CDC42SE2: variants seen among roughly 807,000 people sequenced by gnomAD.
The protein encoded by CDC42SE2 is CDC42 small effector 2.
CDC42SE2 carries 3 observed loss-of-function variants against 11.5 expected under a neutral mutation model. The ratio of observed to expected loss-of-function variants is 0.26; its 90% CI spans 0.12 to 0.67. CDC42SE2 has a LOEUF of 0.67. Among genes scored for constraint, CDC42SE2 ranks in the 30% least tolerant of loss-of-function variants. The pLI, the probability that CDC42SE2 is intolerant of heterozygous loss-of-function variation, is 0.80. For synonymous variants in CDC42SE2, 33 were observed against 34.8 expected (o/e 0.95, Z 0.18); for missense variants, 82 against 106.8 (o/e 0.77, Z 1.02).
chr5:131,362,598 T>G (rs1749740243), intron 3 of CDC42SE2, among the ~76,000 whole-genome samples: 1 of 152,176 alleles, frequency 6.6e-6, no homozygotes, highest in African/African-American at 2.4e-5. Context: ...ACATTCCATG[T>G]GTGAAAAAGG....
chr5:131,261,775 G>A (rs537075776), upstream of CDC42SE2, among the ~76,000 whole-genome samples: 3 of 151,488 alleles, frequency 2.0e-5, no homozygotes, highest in South Asian at 4.2e-4. Context: ...ACTTGAGCCC[G>A]GAAGACAGAG....
Position 131,391,747 on chromosome 5 carries a change from C to T in CDC42SE2, c.*656C>T, listed in dbSNP as rs1750659888. 1 of 152,020 alleles carries T rather than the reference C, an allele frequency of 6.6e-6. No individual in the cohort carries two copies. Among genetic ancestry groups the T allele is most frequent in the Non-Finnish European group, 1.5e-5 (1 of 67,986 alleles). 9.4% of individuals were successfully genotyped at this position (152,020 alleles called of 1,614,324 possible). On this transcript the variant is annotated 3_prime_UTR_variant, in exon 5 of 5. Transcript: ENST00000505065. Reference sequence around the variant, plus strand: ...AAGACTTCATTGTTTATAAACTTTTCAAATTAATTAAAAAGACTACTTTGA... The same window carrying T: ...AAGACTTCATTGTTTATAAACTTTTTAAATTAATTAAAAAGACTACTTTGA...
At chr5:131,252,518 G>A (rs142739316) in intron 1 of CDC42SE2, among the ~76,000 whole-genome samples, 1 of 152,112 alleles carries the variant, frequency 6.6e-6, no homozygotes, top group Non-Finnish European at 1.5e-5. Flanking sequence ...TTAGCCGGGC[G>A]TGGTGGCGTG....
intron 2 of CDC42SE2, among the ~76,000 whole-genome samples, chr5:131,331,426 AAT>A (rs1398407645): frequency 1.3e-5 from 2 of 152,194 alleles, no homozygotes; most frequent in East Asian, 3.8e-4. Context: ...CTTAAAAAAG[AAT>A]AGAGAGAAAA....
At chr5:131,326,334 A>T (rs1474256283) in intron 2 of CDC42SE2, among the ~76,000 whole-genome samples, 1 of 152,062 alleles carries the variant, frequency 6.6e-6, no homozygotes, top group Non-Finnish European at 1.5e-5. Context: ...CGATCTCCTG[A>T]CCTCGTGACC....
intron 2 of CDC42SE2, among the ~76,000 whole-genome samples, chr5:131,353,985 A>G (rs1749457482): frequency 6.6e-6 from 1 of 152,174 alleles, no homozygotes; most frequent in Admixed American, 6.5e-5. Flanking sequence ...CATGCCTCTA[A>G]TCCCAGCATT....
At chr5:131,288,365 A>G (rs1325361629) in intron 1 of CDC42SE2, among the ~76,000 whole-genome samples, 1 of 152,224 alleles carries the variant, frequency 6.6e-6, no homozygotes, top group Non-Finnish European at 1.5e-5. Context: ...GAAGATACTT[A>G]AGTGTAATTT....
At chr5:131,259,369 G>C (rs1227416354), upstream of CDC42SE2, among the ~76,000 whole-genome samples, 1 of 151,792 alleles carries the variant, frequency 6.6e-6, no homozygotes, top group African/African-American at 2.4e-5. Context: ...ATATCTTTAG[G>C]AAAAAAATAC....
At chr5:131,332,723 G>C (rs1295822925) in intron 2 of CDC42SE2, among the ~76,000 whole-genome samples, 1 of 152,204 alleles carries the variant, frequency 6.6e-6, no homozygotes, top group Non-Finnish European at 1.5e-5. Flanking sequence ...GGCCAGTGAT[G>C]ATGAGCATTT....
intron 3 of CDC42SE2, among the ~76,000 whole-genome samples, chr5:131,373,982 A>T (rs995926489): frequency 6.6e-6 from 1 of 152,224 alleles, no homozygotes; most frequent in Non-Finnish European, 1.5e-5. Context: ...TCAACCCAGG[A>T]AGTACAAAAT....
In CDC42SE2 at chr5:131,352,834, G is replaced by A. The variant is rs571536432; in HGVS notation, c.-285-6375G>A. ...GACAGAAACCTCTTTGGCATCTGAT[G>A]GAACTTCAGACCCCCTTCCCCAGTA... On this transcript the variant is annotated intron_variant, in intron 2 of 4. Coordinates refer to ENST00000505065, the MANE Select transcript of CDC42SE2 (RefSeq NM_001375635.1). Among the ~76,000 whole-genome samples, 69 of 152,254 alleles carry A rather than the reference G, an allele frequency of 4.5e-4. 2 individuals carry two copies. In the South Asian group the frequency reaches 8.9e-3, roughly 20 times the overall value.
chr5:131,216,928 T>C, the CDC42SE2 span, among the ~76,000 whole-genome samples: 4 of 152,168 alleles, frequency 2.6e-5, no homozygotes, highest in East Asian at 7.7e-4. Context: ...AGTCTTACCA[T>C]AGATACTTAA....
At chr5:131,262,796 TTG>T (rs906817805), upstream of CDC42SE2, among the ~76,000 whole-genome samples, 7 of 152,216 alleles carry the variant, frequency 4.6e-5, no homozygotes, top group African/African-American at 1.7e-4. Flanking sequence ...TTTTAAATTG[TTG>T]TGTTTTTTTT....
intron 3 of CDC42SE2, among the ~76,000 whole-genome samples, chr5:131,363,879 G>A (rs1393184616): frequency 6.6e-6 from 1 of 151,804 alleles, no homozygotes; most frequent in Non-Finnish European, 1.5e-5. Flanking sequence ...TATTTTAGTA[G>A]AGATGGAGTT....
At chr5:131,374,645 A>C (rs747633897) in intron 3 of CDC42SE2, among the ~76,000 whole-genome samples, 3 of 152,190 alleles carry the variant, frequency 2.0e-5, no homozygotes, top group Non-Finnish European at 2.9e-5. Flanking sequence ...TGGTGTAAGA[A>C]AAATTAATTA....
chr5:131,278,713 TC>T (rs1457515902), intron 1 of CDC42SE2, among the ~76,000 whole-genome samples: 1 of 32,182 alleles, frequency 3.1e-5, no homozygotes, highest in African/African-American at 1.4e-4. Flanking sequence ...TCCTTTCCTC[TC>T]CCCTCCCCTC....
intron 3 of CDC42SE2, among the ~76,000 whole-genome samples, chr5:131,363,692 ACT>A (rs1749776481): frequency 1.1e-5 from 1 of 87,568 alleles, no homozygotes; most frequent in Non-Finnish European, 2.3e-5. Context: ...TTTTTCTCTT[ACT>A]CTTTTTTTTT....
intron 1 of CDC42SE2, among the ~76,000 whole-genome samples, chr5:131,267,159 A>T (rs1374099956): frequency 6.6e-6 from 1 of 150,814 alleles, no homozygotes; most frequent in Non-Finnish European, 1.5e-5. Context: ...GGTTCAAGCA[A>T]TTCTCCTGCC....
At position 131,391,127 on chromosome 5, in the gene CDC42SE2, G is replaced by A. The variant is rs1299869311; in HGVS notation, c.*36G>A. The A allele has an allele frequency of 4.0e-6, 6 of 1,495,360 alleles. No individual in the cohort carries two copies. Among genetic ancestry groups the A allele is most frequent in the Non-Finnish European group, 9.3e-7 (1 of 1,077,796 alleles). The allele number at this position is 1,495,360 out of a possible 1,614,324, so 92.6% of individuals were successfully genotyped here. ...TTCTCCAGTGAGTACTCAGAGCTGG[G>A]GTCTGGACCTGACGGCCAGACATGG... On this transcript the variant is annotated 3_prime_UTR_variant, in exon 5 of 5. Coordinates refer to ENST00000505065, the MANE Select transcript of CDC42SE2 (RefSeq NM_001375635.1).
Sources: gnomAD v4.1 joint callset for allele counts (sites outside exome capture counted in the v4.1 genomes callset) on GRCh38, gnomAD v4.1.1 for gene constraint, MANE v1.5 for transcripts, NCBI Gene and HGNC (gene_info 2026-07-23, HGNC 2026-07-21) for gene names.